Variants in GRID2 observed in about 807,000 individuals in gnomAD.
GRID2 encodes glutamate receptor ionotropic, delta-2.
In GRID2, 33 loss-of-function variants were observed where a neutral mutation model predicts 114.8. The observed-to-expected ratio is 0.29, with a 90% CI of 0.22 to 0.38. The LOEUF (loss-of-function observed/expected upper bound fraction) is 0.38. Ranked by LOEUF, GRID2 falls within the 10% of genes least tolerant of loss-of-function variation. GRID2 has a pLI of 1.00. For synonymous variants in GRID2, 505 were observed against 449.9 expected, an observed-to-expected ratio of 1.12 and a Z score of -1.55; for missense variants, 1,184 against 1,257.7, an observed-to-expected ratio of 0.94 and a Z score of 0.89.
intron 13 of GRID2, among the ~76,000 whole-genome samples, chr4:93,608,589 A>G (rs1225678219): frequency 7.0e-6 from 1 of 142,892 alleles, no homozygotes; most frequent in African/African-American, 2.6e-5. Flanking sequence ...GCAATAGTTT[A>G]CTGAGAATGA....
chr4:93,398,815 G>T (rs1178223031), intron 9 of GRID2, among the ~76,000 whole-genome samples: 1 of 150,114 alleles, frequency 6.7e-6, no homozygotes, highest in Non-Finnish European at 1.5e-5. Context: ...TGAGTAACAG[G>T]TTGTTATACT....
At chr4:93,037,307 A>G (rs1257075591) in intron 2 of GRID2, among the ~76,000 whole-genome samples, 1 of 152,170 alleles carries the variant, frequency 6.6e-6, no homozygotes, top group Non-Finnish European at 1.5e-5. Context: ...AACCTTCTCT[A>G]TTAAAGTTAC....
chr4:92,788,968 T>C lies in GRID2; in HGVS notation c.244+198682T>C, dbSNP rs1402378304. 3.3e-5 allele frequency among the ~76,000 whole-genome samples: 5 copies of C among 151,840 alleles called. No homozygotes were observed. The East Asian group carries it at 9.7e-4, about 29-fold the overall frequency. On this transcript the variant is annotated intron_variant, in intron 2 of 15. Transcript: ENST00000282020. ...CTTCCTATAACACATTCTTTGACCA[T>C]TCTTAATTTAAAGCATATTTTAATA... is the stretch of plus-strand genomic sequence containing the variant.
chr4:93,265,718 G>A (rs149146469), intron 8 of GRID2, among the ~76,000 whole-genome samples: 161 of 152,268 alleles, frequency 1.1e-3, no homozygotes, highest in Middle Eastern at 0.01. Context: ...TGGTGAATTA[G>A]TGAGTGACAG....
In GRID2 at chr4:93,317,294, G is replaced by T. The variant is rs111480805; in HGVS notation, c.1246-78313G>T. Among the ~76,000 whole-genome samples the T allele has an allele frequency of 5.4e-3, 803 of 149,976 alleles. 6 individuals carry two copies. Among genetic ancestry groups the T allele is most frequent in the African/African-American group, 0.019 (758 of 40,758 alleles). Reference sequence around the variant, plus strand: ...TGCTGTTCATAAGGGATTAGCTTGCGTATAGAGATTCTCTTCCATTCTCCT... The same window carrying T: ...TGCTGTTCATAAGGGATTAGCTTGCTTATAGAGATTCTCTTCCATTCTCCT... On this transcript the variant is annotated intron_variant, in intron 8 of 15. Transcript: ENST00000282020.
At chr4:92,867,104 C>G (rs1476691671) in intron 2 of GRID2, among the ~76,000 whole-genome samples, 2 of 151,942 alleles carry the variant, frequency 1.3e-5, no homozygotes, top group Non-Finnish European at 2.9e-5. Flanking sequence ...TACTGTATTT[C>G]TTCTTTTACA....
intron 14 of GRID2, among the ~76,000 whole-genome samples, chr4:93,667,392 T>TA (rs1339451519): frequency 6.6e-6 from 1 of 151,914 alleles, no homozygotes; most frequent in Non-Finnish European, 1.5e-5. Flanking sequence ...CTCTCTCTTT[T>TA]TTTTTTTTCC....
chr4:92,754,133 T>G (rs2149340923), intron 2 of GRID2, among the ~76,000 whole-genome samples: 1 of 152,316 alleles, frequency 6.6e-6, no homozygotes, highest in Middle Eastern at 3.4e-3. Context: ...ATCCCTTAAT[T>G]ACTTGCCTTA....
chr4:93,005,271 G>A (rs149749158), intron 2 of GRID2, among the ~76,000 whole-genome samples: 43 of 152,148 alleles, frequency 2.8e-4, no homozygotes, highest in African/African-American at 9.4e-4. Flanking sequence ...AAATTTAGGA[G>A]TTATTCTTGA....
chr4:93,674,933 G>A (rs1464251086), intron 14 of GRID2, among the ~76,000 whole-genome samples: 3 of 152,184 alleles, frequency 2.0e-5, no homozygotes, highest in South Asian at 2.1e-4. Flanking sequence ...GGATGGAAGA[G>A]GGGGGTATAT....
At chr4:93,635,324 C>T (rs1044982179) in intron 14 of GRID2, among the ~76,000 whole-genome samples, 1 of 150,192 alleles carries the variant, frequency 6.7e-6, no homozygotes, top group African/African-American at 2.4e-5. Context: ...TGAAGAGTCT[C>T]AAAATAAAAG....
intron 4 of GRID2, among the ~76,000 whole-genome samples, chr4:93,195,651 G>A (rs1741413046): frequency 6.6e-6 from 1 of 152,140 alleles, no homozygotes. Context: ...GAGCAGAACT[G>A]ACTATATACA....
rs1391407785 is a variant in GRID2, at chr4:92,957,991, A to G, written c.245-127004A>G. On this transcript the variant is annotated intron_variant, in intron 2 of 15. Transcript: ENST00000282020. ...ATAGGAAAGTGATTAACTTGTGTAT[A>G]TTAACTTTGCATTCTGCCACACTGC... Among the ~76,000 whole-genome samples, 2 of 152,008 alleles carry G rather than the reference A, an allele frequency of 1.3e-5. 1 individual carries two copies. Among genetic ancestry groups the G allele is most frequent in the Middle Eastern group, 6.4e-3 (2 of 314 alleles).
chr4:92,428,907 G>A (rs1051996587), intron 1 of GRID2, among the ~76,000 whole-genome samples: 31 of 152,016 alleles, frequency 2.0e-4, no homozygotes, highest in African/African-American at 7.2e-4. Context: ...GGATACATGT[G>A]CAGAACGTGC....
intron 2 of GRID2, among the ~76,000 whole-genome samples, chr4:92,796,824 C>T (rs945277039): frequency 2.6e-5 from 4 of 151,792 alleles, no homozygotes; most frequent in African/African-American, 4.8e-5. Flanking sequence ...TCCCCTTCCT[C>T]GTCAGATAAT....
intron 4 of GRID2, among the ~76,000 whole-genome samples, chr4:93,197,434 GTTA>G (rs983539629): frequency 1.3e-5 from 2 of 152,086 alleles, no homozygotes; most frequent in African/African-American, 4.8e-5. Context: ...AATTAAATGA[GTTA>G]TTATCTACGT....
At chr4:92,759,526 G>A (rs151258449) in intron 2 of GRID2, among the ~76,000 whole-genome samples, 27 of 152,042 alleles carry the variant, frequency 1.8e-4, no homozygotes, top group Admixed American at 3.9e-4. Context: ...CCTCTTACAT[G>A]TCTCTAAATA....
intron 4 of GRID2, among the ~76,000 whole-genome samples, chr4:93,171,627 A>G (rs536849536): frequency 6.6e-6 from 1 of 152,172 alleles, no homozygotes. Flanking sequence ...TCCACGTAGG[A>G]CCCAATCAAC....
At chr4:92,874,501 A>C (rs956787080) in intron 2 of GRID2, among the ~76,000 whole-genome samples, 1 of 152,190 alleles carries the variant, frequency 6.6e-6, no homozygotes, top group Non-Finnish European at 1.5e-5. Flanking sequence ...AAAAATAAAA[A>C]TTGGGTTCAA....
Sources: allele counts gnomAD v4.1 joint callset (sites outside exome capture counted in the v4.1 genomes callset), GRCh38; gene constraint gnomAD v4.1.1; transcripts MANE v1.5; gene names NCBI Gene and HGNC (gene_info 2026-07-23, HGNC 2026-07-21).